SSTR5: variants seen among roughly 807,000 people sequenced by gnomAD.
SSTR5 encodes the protein somatostatin receptor 5.
SSTR5 carries 1 observed loss-of-function variant against 0.3 expected under a neutral mutation model. The observed-to-expected ratio is 2.98, with a 90% CI of 1.06 to 14.15. The LOEUF (loss-of-function observed/expected upper bound fraction) is 14.15. SSTR5 is among the 30% of genes most tolerant of loss of function. SSTR5 has a pLI of 0.12. For missense variants in SSTR5, 516 were observed against 543.2 expected (o/e 0.95, Z 0.50); for synonymous variants, 256 against 263.1 (o/e 0.97, Z 0.26).
chr16:1,073,407 C>T (rs555508133), intron 1 of SSTR5, among the ~76,000 whole-genome samples: 9 of 152,318 alleles, frequency 5.9e-5, no homozygotes, highest in East Asian at 1.9e-4. Flanking sequence ...GCAGCTGGGT[C>T]GGTGAGCTCC....
chr16:1,075,974 C>T (rs1486006729), intron 1 of SSTR5, among the ~76,000 whole-genome samples: 8 of 482 alleles, frequency 0.017, no homozygotes, highest in Admixed American at 0.064. Context: ...CCTCTCTCTC[C>T]CTCCCCCTCC....
chr16:1,079,329 G>T lies in SSTR5; in HGVS notation c.461G>T (p.Arg154Leu). ...AGCTCGGCCCGCTGGCGCCGCCCGCGTGTGGCCAAGCTGGCGAGCGCCGCG... is the reference window on the plus strand; with the variant it reads ...AGCTCGGCCCGCTGGCGCCGCCCGCTTGTGGCCAAGCTGGCGAGCGCCGCG... ...PLSSARWRRP[R>L]VAKLASAAAW... The change falls in exon 2 of 2, where the codon CGT becomes CTT. Residue 154 changes from arginine (R) to leucine (L), a missense_variant. Transcript: ENST00000689027. The T allele has an allele frequency of 6.2e-7, 1 of 1,607,438 alleles. No individual in the cohort carries two copies. Among genetic ancestry groups the T allele is most frequent in the South Asian group, 1.1e-5 (1 of 90,898 alleles).
chr16:1,078,688 A>C (rs1596236816), intron 1 of SSTR5, 154 bp from the exon 2 acceptor site: 1 of 727,686 alleles, frequency 1.4e-6, no homozygotes, highest in East Asian at 2.7e-5. Context: ...AATTTGCTTA[A>C]CGTGATTCCC....
chr16:1,079,366 G>A lies in SSTR5; in HGVS notation c.498G>A (p.Leu166=). 1.3e-6 allele frequency: 2 copies of A among 1,599,918 alleles called. No homozygotes were observed. The highest frequency in any genetic ancestry group is 1.7e-6 in the Non-Finnish European group (2 of 1,173,534). The change falls in exon 2 of 2, where the codon CTG becomes CTA. Residue 166 remains leucine, a synonymous_variant. Coordinates refer to ENST00000689027, the MANE Select transcript of SSTR5 (RefSeq NM_001172560.3). The part of the protein sequence containing the change: ...AKLASAAAWV[L]SLCMSLPLLV... ...TGGCGAGCGCCGCGGCCTGGGTCCT[G>A]TCTCTGTGCATGTCGCTGCCGCTCC...
rs1420257141 is a variant in SSTR5 at position 1,081,109 on chromosome 16, CA to C, written c.*1147del. Reference sequence around the variant, plus strand: ...GTCCTACCTCCCCCACCCCAAACACCAGCTTTTCCTGGCGCCCCAGGCCCAG... The same window carrying C: ...GTCCTACCTCCCCCACCCCAAACACCGCTTTTCCTGGCGCCCCAGGCCCAG... On this transcript the variant is annotated 3_prime_UTR_variant, in exon 2 of 2. Transcript: ENST00000689027. 4.3e-6 allele frequency: 2 copies of C among 470,372 alleles called. No homozygotes were observed. The highest frequency in any genetic ancestry group is 4.0e-5 in the African/African-American group (2 of 50,054). The allele number at this position is 470,372 out of a possible 1,614,324, so 29.1% of individuals were successfully genotyped here.
At position 1,079,505 on chromosome 16, in the gene SSTR5, C is replaced by A; in HGVS notation, c.637C>A (p.Pro213Thr). 1 of 1,611,920 alleles carries A rather than the reference C, an allele frequency of 6.2e-7. No homozygotes were observed. Among genetic ancestry groups the A allele is most frequent in the Non-Finnish European group, 8.5e-7 (1 of 1,179,412 alleles). ...CACGGCCGTGCTGGGCTTCTTCGCG[C>A]CGCTGCTGGTCATCTGCCTGTGCTA... is the stretch of plus-strand genomic sequence containing the variant. ...IYTAVLGFFA[P>T]LLVICLCYLL... The change falls in exon 2 of 2, where the codon CCG (proline) becomes ACG (threonine). Residue 213 changes from proline (P) to threonine (T), a missense_variant. Pro to Thr is a conservative substitution (Grantham distance 38). Coordinates refer to ENST00000689027, the MANE Select transcript of SSTR5 (RefSeq NM_001172560.3).
In SSTR5 at chr16:1,081,151, AGCCTTGCTGGGGTCTCTGGGGCACCTTG is replaced by A. The variant is rs1260019180; in HGVS notation, c.*1197_*1224del. 2.1e-6 allele frequency: 1 copy of A among 469,974 alleles called. No homozygotes were observed. Among genetic ancestry groups the A allele is most frequent in the Non-Finnish European group, 4.4e-6 (1 of 226,596 alleles). The allele number at this position is 469,974 out of a possible 1,614,324, so 29.1% of individuals were successfully genotyped here. A position where few individuals can be genotyped will look rare whatever the true frequency, so the allele number is the denominator to read the frequency against. ...CCAGGCCCAGAACGTGGGCCCAGAG[AGCCTTGCTGGGGTCTCTGGGGCACCTTG>A]GCCTTGCTCTGAGGCTGGAAGGAGA... On this transcript the variant is annotated 3_prime_UTR_variant, in exon 2 of 2. Coordinates refer to ENST00000689027, the MANE Select transcript of SSTR5 (RefSeq NM_001172560.3).
chr16:1,080,646 G>A lies in SSTR5; in HGVS notation c.*683G>A, dbSNP rs1224139747. On this transcript the variant is annotated 3_prime_UTR_variant, in exon 2 of 2. Transcript: ENST00000689027. Reference sequence around the variant, plus strand: ...TTGCTGTCTCAGAGAGGGGAGTGTGGGGGCTTGGGCGCTGGCCTAGCCAGG... The same window carrying A: ...TTGCTGTCTCAGAGAGGGGAGTGTGAGGGCTTGGGCGCTGGCCTAGCCAGG... 6.6e-6 allele frequency among the ~76,000 whole-genome samples: 1 copy of A among 152,212 alleles called. No homozygotes were observed. The highest frequency in any genetic ancestry group is 2.4e-5 in the African/African-American group (1 of 41,462).
chr16:1,075,882 CCTGT>C (rs1417558420), intron 1 of SSTR5, among the ~76,000 whole-genome samples: 2 of 115,862 alleles, frequency 1.7e-5, no homozygotes, highest in African/African-American at 3.4e-5. Flanking sequence ...CTCCCCCTAC[CCTGT>C]CTCTCTCTCT....
intron 1 of SSTR5, among the ~76,000 whole-genome samples, chr16:1,075,921 T>C (rs1960186038): frequency 2.6e-5 from 1 of 38,590 alleles, no homozygotes; most frequent in Non-Finnish European, 4.7e-5. Context: ...TCTCCCTCCC[T>C]CTCTCCCCCC....
Position 1,078,850 on chromosome 16 carries a change from G to C in SSTR5, c.-19G>C, listed in dbSNP as rs374851937. 1.5e-5 allele frequency: 24 copies of C among 1,602,282 alleles called. 1 individual carries two copies. The highest frequency in any genetic ancestry group is 1.7e-5 in the Admixed American group (1 of 59,888). On this transcript the variant is annotated 5_prime_UTR_variant, in exon 2 of 2. Transcript: ENST00000689027. The stretch of plus-strand genomic sequence containing the variant: ...CCCTTCTTCTCTTGCAGAGCCTGAC[G>C]CACCCCAGGGCTGCCGCCATGGAGC...
rs1432752998 is a variant in SSTR5 at position 1,080,042 on chromosome 16, T to C, written c.*79T>C. The C allele has an allele frequency of 1.4e-6, 2 of 1,470,976 alleles. No individual in the cohort carries two copies. Among genetic ancestry groups the C allele is most frequent in the Non-Finnish European group, 1.8e-6 (2 of 1,107,002 alleles). 91.1% of individuals were successfully genotyped at this position (1,470,976 alleles called of 1,614,324 possible). A position where few individuals can be genotyped will look rare whatever the true frequency, so the allele number is the denominator to read the frequency against. On this transcript the variant is annotated 3_prime_UTR_variant, in exon 2 of 2. Coordinates refer to ENST00000689027, the MANE Select transcript of SSTR5 (RefSeq NM_001172560.3). ...ACTGCGGTGACCCCCACCCATGACCTGCCAGTCAGGATGCTCCCCGGCGGT... is the reference window on the plus strand; with the variant it reads ...ACTGCGGTGACCCCCACCCATGACCCGCCAGTCAGGATGCTCCCCGGCGGT...
Position 1,079,722 on chromosome 16 carries a change from T to C in SSTR5, c.854T>C (p.Leu285Pro), listed in dbSNP as rs1218913785. ...ALPQEPASAGLYFFVVILSYA... is the reference protein window; with the variant it reads ...ALPQEPASAGPYFFVVILSYA... ...CCCCAGGAGCCCGCCTCCGCCGGCC[T>C]CTACTTCTTCGTGGTCATCCTCTCC... Residue 285 changes from leucine (L) to proline (P), a missense_variant, in exon 2 of 2, where the codon CTC (leucine) becomes CCC (proline). Transcript: ENST00000689027. 4.3e-6 allele frequency: 7 copies of C among 1,612,110 alleles called. No homozygotes were observed. Among genetic ancestry groups the C allele is most frequent in the Non-Finnish European group, 5.1e-6 (6 of 1,179,924 alleles).
intron 1 of SSTR5, among the ~76,000 whole-genome samples, chr16:1,073,885 G>C (rs1259594815): frequency 6.6e-6 from 1 of 152,230 alleles, no homozygotes; most frequent in African/African-American, 2.4e-5. Context: ...TCCAGAGCAA[G>C]ACCCAGCGAG....
chr16:1,074,171 G>A (rs533222373), intron 1 of SSTR5, among the ~76,000 whole-genome samples: 1 of 152,222 alleles, frequency 6.6e-6, no homozygotes, highest in Non-Finnish European at 1.5e-5. Flanking sequence ...AGGTCAGAAC[G>A]CTTGTCCTGG....
chr16:1,078,423 C>T (rs949229983), intron 1 of SSTR5: 5 of 195,336 alleles, frequency 2.6e-5, no homozygotes, highest in African/African-American at 4.7e-5. Context: ...CTGTGTGTCC[C>T]GGGAGGGGCC....
At chr16:1,074,966 C>G (rs556241462) in intron 1 of SSTR5, among the ~76,000 whole-genome samples, 56 of 152,284 alleles carry the variant, frequency 3.7e-4, no homozygotes, top group Non-Finnish European at 6.0e-4. Flanking sequence ...GGTCAGGGGC[C>G]GGGGTCTCTC....
At chr16:1,077,074 G>A (rs1003728928) in intron 1 of SSTR5, among the ~76,000 whole-genome samples, 3 of 152,210 alleles carry the variant, frequency 2.0e-5, no homozygotes, top group East Asian at 1.9e-4. Flanking sequence ...GGGCTCCCCC[G>A]TCCCCAGCTC....
intron 1 of SSTR5, chr16:1,078,566 G>A (rs1410239713): frequency 8.1e-6 from 4 of 491,140 alleles, no homozygotes; most frequent in African/African-American, 5.8e-5. Flanking sequence ...GGCGCCATCT[G>A]GGTGCAGGGG....
Sources: gnomAD v4.1 joint callset for allele counts (sites outside exome capture counted in the v4.1 genomes callset) on GRCh38, gnomAD v4.1.1 for gene constraint, MANE v1.5 for transcripts, NCBI Gene and HGNC (gene_info 2026-07-23, HGNC 2026-07-21) for gene names.